The following CFAP46 variants were observed in gnomAD, a reference collection of about 807,000 sequenced individuals.
CFAP46 encodes the protein cilia- and flagella-associated protein 46.
In CFAP46, 245 loss-of-function variants were observed where a neutral mutation model predicts 325.7. The observed-to-expected ratio is 0.75, with a 90% confidence interval of 0.68 to 0.84. The LOEUF (loss-of-function observed/expected upper bound fraction) is 0.84. CFAP46 is among the 40% of genes least tolerant of loss of function. The pLI is 0.00. For synonymous variants in CFAP46, 1,523 were observed against 1,495.9 expected (o/e 1.02, Z -0.42); for missense variants, 3,346 against 3,543.0 (o/e 0.94, Z 1.41).
In CFAP46 at chr10:132,876,348, G is replaced by A. The variant is rs2135336984; in HGVS notation, c.4362+464C>T. On this transcript the variant is annotated intron_variant, in intron 31 of 57. Coordinates refer to ENST00000368586, the MANE Select transcript of CFAP46 (RefSeq NM_001200049.3). This position sits in a 1 kb window ranked among gnomAD's most constrained non-coding sequence, Gnocchi z 4.1. The stretch of plus-strand genomic sequence containing the variant: ...AAATGCAATTCTGTGGGAGGGAGCG[G>A]GAGATTTGATCCACACAAAAGAGGA... 6.6e-6 allele frequency among the ~76,000 whole-genome samples: 1 copy of A among 152,246 alleles called. No individual in the cohort carries two copies. Among genetic ancestry groups the A allele is most frequent in the South Asian group, 2.1e-4 (1 of 4,828 alleles).
rs1272342428 is a variant in CFAP46 at position 132,832,704 on chromosome 10, G to T, written c.7117+654C>A. 3 of 463,544 alleles carry T rather than the reference G, an allele frequency of 6.5e-6. No individual in the cohort carries two copies. Among genetic ancestry groups the T allele is most frequent in the South Asian group, 4.7e-5 (3 of 64,408 alleles). The allele number at this position is 463,544 out of a possible 1,614,324, so 28.7% of individuals were successfully genotyped here. On this transcript the variant is annotated intron_variant, in intron 50 of 57. Coordinates refer to ENST00000368586, the MANE Select transcript of CFAP46 (RefSeq NM_001200049.3). The surrounding 1 kb of genome is among the most constrained non-coding windows in gnomAD (Gnocchi z 4.1). The stretch of plus-strand genomic sequence containing the variant: ...CGCTCGGGGAAGCTTCACAACCGGG[G>T]CACGTCTGCACAGCCAGCACTCAGT...
Position 132,810,485 on chromosome 10 carries a change from C to T in CFAP46, c.7588G>A (p.Val2530Ile). 6.2e-7 allele frequency: 1 copy of T among 1,613,544 alleles called. No individual in the cohort carries two copies. Among genetic ancestry groups the T allele is most frequent in the Non-Finnish European group, 8.5e-7 (1 of 1,179,896 alleles). Reference sequence around the variant, plus strand: ...CTCCAATTGGCTTCCCAACGGCCAACAGATCTAGGGGAGAAACGTCCCCTC... The same window carrying T: ...CTCCAATTGGCTTCCCAACGGCCAATAGATCTAGGGGAGAAACGTCCCCTC... ...HMESVEHRRS[V>I]GRWEANWRNS... The change falls in exon 57 of 58, where the codon GTT becomes ATT. Residue 2530 changes from valine (V) to isoleucine (I), a missense_variant. Transcript: ENST00000368586.
At chr10:132,823,397 CTG>C (rs201750140) in intron 50 of CFAP46, among the ~76,000 whole-genome samples, 1 of 108,290 alleles carries the variant, frequency 9.2e-6, no homozygotes, top group African/African-American at 3.8e-5. Context: ...CTGATGTGTG[CTG>C]TGTGTGTGCT....
chr10:132,875,817 C>CAA (rs140467869), intron 31 of CFAP46, among the ~76,000 whole-genome samples: 1 of 151,412 alleles, frequency 6.6e-6, no homozygotes, highest in Non-Finnish European at 1.5e-5. Context: ...ATGAAAACAT[C>CAA]AAAAAAAAGG....
intron 37 of CFAP46, 132 bp from the exon 38 acceptor site, chr10:132,859,379 G>T (rs1043825196): frequency 2.8e-6 from 2 of 723,472 alleles, no homozygotes; most frequent in Admixed American, 3.0e-5. Flanking sequence ...AGCATTTCTC[G>T]AAAATCAACA....
rs544766772 is a variant in CFAP46, at chr10:132,899,571, C to G, written c.3020G>C (p.Arg1007Pro). 1.6e-5 allele frequency: 25 copies of G among 1,549,548 alleles called. No homozygotes were observed. In the South Asian group the frequency reaches 2.6e-4, roughly 16 times the overall value. ...MENLKGRKQL[R>P]LVAAKAFTES... Reference sequence around the variant, plus strand: ...CGTGAAGGCCTTGGCTGCCACCAGTCGCAGCTGCTTCCGGCCCTTCAGGTT... The same window carrying G: ...CGTGAAGGCCTTGGCTGCCACCAGTGGCAGCTGCTTCCGGCCCTTCAGGTT... The change falls in exon 23 of 58, where the codon CGA (arginine) becomes CCA (proline). Residue 1007 changes from arginine (R) to proline (P), a missense_variant. Arg to Pro is a moderately radical substitution (Grantham distance 103). Transcript: ENST00000368586.
At chr10:132,851,391 G>T in intron 39 of CFAP46, 86 bp from the exon 40 acceptor site, 2 of 1,325,826 alleles carry the variant, frequency 1.5e-6, no homozygotes, top group Non-Finnish European at 1.0e-6. Context: ...AGGCATAACC[G>T]ACGTAAGAAA....
intron 43 of CFAP46, 138 bp downstream of exon 43, chr10:132,846,794 G>C: frequency 9.3e-7 from 1 of 1,073,146 alleles, no homozygotes; most frequent in Non-Finnish European, 1.3e-6. Flanking sequence ...TGGCCGGCAG[G>C]CTCCCACTGC....
At chr10:132,859,849 C>T (rs1302270387) in intron 37 of CFAP46, among the ~76,000 whole-genome samples, 2 of 152,182 alleles carry the variant, frequency 1.3e-5, no homozygotes, top group African/African-American at 2.4e-5. Flanking sequence ...TTAGAAGAGA[C>T]GGCGTTGCCA....
At chr10:132,872,466 C>T (rs758943415) in intron 32 of CFAP46, 74 of 591,952 alleles carry the variant, frequency 1.3e-4, no homozygotes, top group Non-Finnish European at 2.1e-4. Context: ...GCTATGTTGC[C>T]CAGGCTGGTC....
At position 132,894,068 on chromosome 10, in the gene CFAP46, G is replaced by A. The variant is rs181205523; in HGVS notation, c.3220-1651C>T. ...GGTTGCTGCAGCCCCCTGAGGGTTC[G>A]CCGCTGGTAACACGCTTTGAGGTTG... On this transcript the variant is annotated intron_variant, in intron 24 of 57. Transcript: ENST00000368586. 9.2e-5 allele frequency among the ~76,000 whole-genome samples: 14 copies of A among 151,492 alleles called. No homozygotes were observed. The East Asian group carries it at 2.3e-3, about 25-fold the overall frequency.
In CFAP46 at chr10:132,836,053, C is replaced by A. The variant is rs567806188; in HGVS notation, c.6613+89G>T. ...CCCTCCCCTCCACCTCTCACCTCCC[C>A]CTCCCGACACAGCCCTGCTCACCTC... On this transcript the variant is annotated intron_variant, in intron 46 of 57. Transcript: ENST00000368586. The A allele has an allele frequency of 7.5e-6, 5 of 664,470 alleles. No homozygotes were observed. The Admixed American group carries it at 8.1e-5, about 11-fold the overall frequency. The allele number at this position is 664,470 out of a possible 1,614,324, so 41.2% of individuals were successfully genotyped here.
intron 31 of CFAP46, among the ~76,000 whole-genome samples, chr10:132,874,792 C>T (rs1848938036): frequency 6.6e-6 from 1 of 152,062 alleles, no homozygotes; most frequent in Admixed American, 6.5e-5. Flanking sequence ...CGATAAAAAC[C>T]TACAACAAAC....
chr10:132,823,355 AGTGCTGATGT>A (rs1847934187), intron 50 of CFAP46, among the ~76,000 whole-genome samples: 1 of 60,394 alleles, frequency 1.7e-5, no homozygotes, highest in Non-Finnish European at 3.0e-5. Flanking sequence ...GTGTGTGCTG[AGTGCTGATGT>A]GTGCTGTGTG....
rs1848539393 is a variant in CFAP46 at position 132,851,282 on chromosome 10, CA to C, written c.5597del (p.Leu1866ArgfsTer2). 3.7e-6 allele frequency: 6 copies of C among 1,613,942 alleles called. No individual in the cohort carries two copies. Among genetic ancestry groups the C allele is most frequent in the Non-Finnish European group, 5.1e-6 (6 of 1,180,010 alleles). On this transcript the variant is annotated frameshift_variant, in exon 40 of 58. Transcript: ENST00000368586. LOFTEE classifies it high-confidence loss of function. ...LQDLQNVNTP[L>X]MRKLARLKLG... is the part of the protein sequence containing the mutation. ...GCTTGAGGCGCGCCAGCTTCCTCAT[CA>C]GGGGCGTGTTGACGTTCTGCAACTG...
chr10:132,817,992 T>G lies in CFAP46; in HGVS notation c.7118-3078A>C, dbSNP rs1847726344. 6.6e-6 allele frequency among the ~76,000 whole-genome samples: 1 copy of G among 152,194 alleles called. No homozygotes were observed. The highest frequency in any genetic ancestry group is 2.4e-5 in the African/African-American group (1 of 41,452). ...GGCTCCTTCTCCTGCTTCTCTTGTG[T>G]GAGGGCTTTCTCATCACCTGGGCCC... On this transcript the variant is annotated intron_variant, in intron 50 of 57. Transcript: ENST00000368586. The surrounding 1 kb of genome is among the most constrained non-coding windows in gnomAD (Gnocchi z 4.4).
intron 33 of CFAP46, 82 bp from the exon 34 acceptor site, chr10:132,867,589 C>T (rs4880454): frequency 0.32 from 472,599 of 1,478,440 alleles, 79,283 homozygotes; most frequent in Admixed American, 0.51. Context: ...GAAACGCAAA[C>T]GAAAACAGCC....
At position 132,834,554 on chromosome 10, in the gene CFAP46, C is replaced by A; in HGVS notation, c.6866+100G>T. 5 of 1,507,728 alleles carry A rather than the reference C, an allele frequency of 3.3e-6. No homozygotes were observed. In the South Asian group the frequency reaches 5.1e-5, roughly 16 times the overall value. The allele number at this position is 1,507,728 out of a possible 1,614,324, so 93.4% of individuals were successfully genotyped here. ...GCGCCGAGTCCTGAACAAAGGCGGC[C>A]GAGAAGGCACAGCAAGCACACGTGG... On this transcript the variant is annotated intron_variant, in intron 48 of 57. Transcript: ENST00000368586.
Position 132,885,187 on chromosome 10 carries a change from C to G in CFAP46, c.3543G>C (p.Ala1181=). The G allele has an allele frequency of 6.4e-7, 1 of 1,550,518 alleles. No individual in the cohort carries two copies. The highest frequency in any genetic ancestry group is 8.7e-7 in the Non-Finnish European group (1 of 1,146,984). Residue 1181 remains alanine (A), a synonymous_variant, in exon 27 of 58, where the codon GCG becomes GCC. Transcript: ENST00000368586. ...TCAGGGCCAGGCGGTGCCACATGCG[C>G]GCCAAGTAGTCCTCACTCTCGGCCT... The part of the protein sequence containing the change: ...KFKAESEDYL[A]RMWHRLALNS...
Sources: gnomAD v4.1 joint callset for allele counts (sites outside exome capture counted in the v4.1 genomes callset) on GRCh38, gnomAD v4.1.1 for gene constraint, Gnocchi (gnomAD v3.1) non-coding constraint, MANE v1.5 for transcripts, NCBI Gene and HGNC (gene_info 2026-07-23, HGNC 2026-07-21) for gene names.